BBS1: variants seen among roughly 807,000 people sequenced by gnomAD.
The protein encoded by BBS1 is BBSome complex member BBS1.
A neutral mutation model predicts 73.9 loss-of-function variants in BBS1; 60 were observed. The ratio of observed to expected loss-of-function variants is 0.81; its 90% CI spans 0.66 to 1.01. BBS1 has a LOEUF of 1.01. Among genes scored for constraint, BBS1 ranks in the 50% least tolerant of loss-of-function variants. The probability of loss-of-function intolerance (pLI) is 0.00; values close to 1 mark genes in which losing one functional copy is unlikely to be tolerated. For synonymous variants in BBS1, 283 were observed against 317.4 expected (o/e 0.89, Z 1.15); for missense variants, 718 against 770.3 (o/e 0.93, Z 0.80).
In BBS1 at chr11:66,531,023, T is replaced by C; in HGVS notation, c.1603T>C (p.Phe535Leu). The C allele has an allele frequency of 6.2e-7, 1 of 1,614,182 alleles. No individual in the cohort carries two copies. The change falls in exon 15 of 17, where the codon TTC (phenylalanine) becomes CTC (leucine). Residue 535 changes from phenylalanine to leucine, a missense_variant. By Grantham distance (22) the Phe-to-Leu change is conservative (BLOSUM62 0). Transcript: ENST00000318312. ...GCTCTATTCCCTGCCCCGGGCCTTC[T>C]TCAAGGTACTGGATGCTCCTCACTT... ...EALYSLPRAFFKVPLLVPGLN... is the reference protein window; with the variant it reads ...EALYSLPRAFLKVPLLVPGLN...
At chr11:66,520,775 C>T in intron 8 of BBS1, 1 of 204,844 alleles carries the variant, frequency 4.9e-6, no homozygotes, top group Non-Finnish European at 1.0e-5. Flanking sequence ...GTTCTCTTGC[C>T]CAGGCTGAAG....
chr11:66,526,946 C>T (rs1021950038), intron 13 of BBS1, 139 bp downstream of exon 13: 2 of 1,581,784 alleles, frequency 1.3e-6, no homozygotes, highest in Non-Finnish European at 1.7e-6. Context: ...CTCTGCAAAT[C>T]CAGGGACAGC....
chr11:66,532,619 T>A lies in BBS1; in HGVS notation c.*582T>A. The stretch of plus-strand genomic sequence containing the variant: ...AGCCCTCCTCTCCCCAGGAAACTTC[T>A]CTGAAATCTTAGACTTAGCCAGTCT... On this transcript the variant is annotated 3_prime_UTR_variant, in exon 17 of 17. Transcript: ENST00000318312. The A allele has an allele frequency of 6.5e-6, 1 of 154,904 alleles. No homozygotes were observed. The highest frequency in any genetic ancestry group is 1.4e-5 in the Non-Finnish European group (1 of 69,680). 9.6% of individuals were successfully genotyped at this position (154,904 alleles called of 1,614,324 possible). A position where few individuals can be genotyped will look rare whatever the true frequency, so the allele number is the denominator to read the frequency against.
At position 66,519,760 on chromosome 11, in the gene BBS1, G is replaced by T. The variant is rs1292778886; in HGVS notation, c.723+12G>T. 6.2e-7 allele frequency: 1 copy of T among 1,612,592 alleles called. No homozygotes were observed. The highest frequency in any genetic ancestry group is 8.5e-7 in the Non-Finnish European group (1 of 1,179,868). On this transcript the variant is annotated intron_variant, in intron 8 of 16. Coordinates refer to ENST00000318312, the MANE Select transcript of BBS1 (RefSeq NM_024649.5). The stretch of plus-strand genomic sequence containing the variant: ...CCATTTTAGCCAAGGTCAGCGTCAG[G>T]TCTGGCCCTGGGCCCGCTGGAGGCC...
chr11:66,518,264 T>G (rs1257792999), intron 7 of BBS1, among the ~76,000 whole-genome samples: 2 of 151,456 alleles, frequency 1.3e-5, no homozygotes, highest in Non-Finnish European at 2.9e-5. Flanking sequence ...GCCTTTTCTT[T>G]TATTTATTTT....
rs1856676755 is a variant in BBS1, at chr11:66,529,611, G to A, written c.1340-208G>A. On this transcript the variant is annotated intron_variant, in intron 13 of 16. Transcript: ENST00000318312. ...GATAGTGCAGGCAGGGAGGTGGTAAGAGAGTGAGAAGAGGCAGGGCGAGGC... is the reference window on the plus strand; with the variant it reads ...GATAGTGCAGGCAGGGAGGTGGTAAAAGAGTGAGAAGAGGCAGGGCGAGGC... 1.6e-5 allele frequency: 11 copies of A among 699,752 alleles called. 1 individual carries two copies. The South Asian group carries it at 1.8e-4, about 12-fold the overall frequency. 43.3% of individuals were successfully genotyped at this position (699,752 alleles called of 1,614,324 possible).
At chr11:66,531,873 C>T in intron 16 of BBS1, 78 bp from the exon 17 acceptor site, 2 of 1,589,052 alleles carry the variant, frequency 1.3e-6, no homozygotes, top group Non-Finnish European at 1.7e-6. Flanking sequence ...AGCCCTGTGG[C>T]CTGTCATTAG....
intron 13 of BBS1, chr11:66,529,278 T>C: frequency 1.3e-6 from 2 of 1,533,558 alleles, no homozygotes; most frequent in South Asian, 2.4e-5. Flanking sequence ...CCTAGGTGAC[T>C]TGATGGACAG....
chr11:66,515,693 G>A lies in BBS1; in HGVS notation c.480G>A (p.Arg160=). 1 of 1,614,216 alleles carries A rather than the reference G, an allele frequency of 6.2e-7. No individual in the cohort carries two copies. The highest frequency in any genetic ancestry group is 8.5e-7 in the Non-Finnish European group (1 of 1,180,044). ...LTLKEMLESI[R]ETAEEPLSIQ... is the part of the protein sequence containing the mutation. ...GCCATGCTGGCCCCTTTCCTTGCAG[G>A]GAGACGGCAGAGGAGCCTTTGTCCA... is the stretch of plus-strand genomic sequence containing the variant. The change falls in exon 6 of 17, where the codon CGG becomes CGA. Residue 160 remains arginine, a splice_region_variant and synonymous_variant. Transcript: ENST00000318312.
intron 12 of BBS1, 96 bp downstream of exon 12, chr11:66,526,288 G>C: frequency 8.0e-7 from 1 of 1,249,144 alleles, no homozygotes; most frequent in South Asian, 1.3e-5. Flanking sequence ...TGAAGCATGG[G>C]TGGACCTGGG....
chr11:66,517,543 C>T (rs1332482768), intron 7 of BBS1, among the ~76,000 whole-genome samples: 5 of 150,676 alleles, frequency 3.3e-5, no homozygotes, highest in Non-Finnish European at 7.4e-5. Flanking sequence ...TCTCAGCTCA[C>T]TGCAACCTCC....
rs1856832694 is a variant in BBS1 at position 66,532,601 on chromosome 11, C to T, written c.*564C>T. On this transcript the variant is annotated 3_prime_UTR_variant, in exon 17 of 17. Coordinates refer to ENST00000318312, the MANE Select transcript of BBS1 (RefSeq NM_024649.5). ...TGAGCAAACCCAGGGAATAGCCCTCCTCTCCCCAGGAAACTTCTCTGAAAT... is the reference window on the plus strand; with the variant it reads ...TGAGCAAACCCAGGGAATAGCCCTCTTCTCCCCAGGAAACTTCTCTGAAAT... 2 of 155,706 alleles carry T rather than the reference C, an allele frequency of 1.3e-5. No homozygotes were observed. The highest frequency in any genetic ancestry group is 6.2e-5 in the Admixed American group (1 of 16,148). The allele number at this position is 155,706 out of a possible 1,614,324, so 9.6% of individuals were successfully genotyped here. A position where few individuals can be genotyped will look rare whatever the true frequency, so the allele number is the denominator to read the frequency against.
chr11:66,531,610 A>T (rs1338861572), intron 15 of BBS1, 46 bp from the exon 16 acceptor site: 1 of 1,613,226 alleles, frequency 6.2e-7, no homozygotes, highest in Admixed American at 1.7e-5. Context: ...TATGCCAAAC[A>T]CTGGCACGAG....
rs1856346961 is a variant in BBS1, at chr11:66,523,634, C to T, written c.951+58C>T. 6 of 1,612,604 alleles carry T rather than the reference C, an allele frequency of 3.7e-6. No individual in the cohort carries two copies. The highest frequency in any genetic ancestry group is 4.2e-6 in the Non-Finnish European group (5 of 1,179,980). On this transcript the variant is annotated intron_variant, in intron 10 of 16. Transcript: ENST00000318312. ...GCCTATGTCCCTAGCCCCCACTTGG[C>T]AAGAGAGTCCTCTGGCTTCCCCACC...
Position 66,532,357 on chromosome 11 carries a change from C to G in BBS1, c.*320C>G. The G allele has an allele frequency of 5.2e-6, 2 of 386,992 alleles. No individual in the cohort carries two copies. The highest frequency in any genetic ancestry group is 9.7e-6 in the Non-Finnish European group (2 of 206,906). 24.0% of individuals were successfully genotyped at this position (386,992 alleles called of 1,614,324 possible). A position where few individuals can be genotyped will look rare whatever the true frequency, so the allele number is the denominator to read the frequency against. On this transcript the variant is annotated 3_prime_UTR_variant, in exon 17 of 17. Transcript: ENST00000318312. The stretch of plus-strand genomic sequence containing the variant: ...TCCGAAGCGGTCAAAGTGAGCTGAG[C>G]AGGACAGGCCCAGCCTTTCTCCACT...
In BBS1 at chr11:66,529,791, C is replaced by T. The variant is rs767766266; in HGVS notation, c.1340-28C>T. The T allele has an allele frequency of 1.5e-5, 24 of 1,608,936 alleles. No homozygotes were observed. In the Middle Eastern group the frequency reaches 5.0e-4, roughly 33 times the overall value. On this transcript the variant is annotated intron_variant, in intron 13 of 16. Coordinates refer to ENST00000318312, the MANE Select transcript of BBS1 (RefSeq NM_024649.5). ...CCTCCCTGCCACCCCCCACCTCCAC[C>T]GTCAGCCTCTGGGACCCTTCTCCAC...
At chr11:66,529,327 C>A (rs980310697) in intron 13 of BBS1, 3 of 1,535,862 alleles carry the variant, frequency 2.0e-6, no homozygotes, top group African/African-American at 2.7e-5. Context: ...GGCTGGTTTC[C>A]GCAGCATTGA....
chr11:66,513,315 T>C (rs975650793), intron 3 of BBS1, among the ~76,000 whole-genome samples: 1 of 151,816 alleles, frequency 6.6e-6, no homozygotes, highest in African/African-American at 2.4e-5. Context: ...TAGAAGTTCA[T>C]AGCATATTTG....
chr11:66,529,412 A>G, intron 13 of BBS1: 1 of 1,062,768 alleles, frequency 9.4e-7, no homozygotes. Context: ...GCTGCTGGAG[A>G]CACATGCACA....
Sources: allele counts gnomAD v4.1 joint callset (sites outside exome capture counted in the v4.1 genomes callset), GRCh38; gene constraint gnomAD v4.1.1; transcripts MANE v1.5; gene names NCBI Gene and HGNC (gene_info 2026-07-23, HGNC 2026-07-21).